PTGDS: variants seen among roughly 807,000 people sequenced by gnomAD.
PTGDS encodes prostaglandin-H2 D-isomerase.
PTGDS carries 21 observed loss-of-function variants against 28.4 expected under a neutral mutation model. The observed-to-expected ratio is 0.74, with a 90% CI of 0.52 to 1.07. The LOEUF (loss-of-function observed/expected upper bound fraction) is 1.07. PTGDS is among the 50% of genes least tolerant of loss of function. PTGDS has a pLI of 0.00. For missense variants in PTGDS, 243 were observed against 247.7 expected, an observed-to-expected ratio of 0.98 and a Z score of 0.13; for synonymous variants, 102 against 106.0, an observed-to-expected ratio of 0.96 and a Z score of 0.23.
At chr9:136,980,904 A>ATTC (rs34537447) in intron 6 of PTGDS, 49 bp downstream of exon 6, 59 of 1,574,346 alleles carry the variant, frequency 3.7e-5, no homozygotes, top group Admixed American at 3.7e-4. Flanking sequence ...TCATTCATTC[A>ATTC]ACACACATCC....
chr9:136,980,668 C>T (rs1564196751), intron 5 of PTGDS, 165 bp from the exon 6 acceptor site: 2 of 1,575,862 alleles, frequency 1.3e-6, no homozygotes, highest in Non-Finnish European at 1.7e-6. Context: ...AAGACCCTCT[C>T]TTTGTTTCCA....
At chr9:136,981,299 G>A (rs34216979) in intron 6 of PTGDS, among the ~76,000 whole-genome samples, 5 of 152,084 alleles carry the variant, frequency 3.3e-5, no homozygotes, top group Middle Eastern at 3.2e-3. Flanking sequence ...GGGACAGCTC[G>A]GAGAGCAGGC....
intron 1 of PTGDS, among the ~76,000 whole-genome samples, chr9:136,978,459 A>G (rs1404037210): frequency 2.1e-5 from 2 of 96,820 alleles, no homozygotes; most frequent in Non-Finnish European, 4.2e-5. Context: ...GGGCGGGGCC[A>G]TCTCCGGGGG....
rs1398750180 is a variant in PTGDS at position 136,979,015 on chromosome 9, C to T, written c.137C>T (p.Ala46Val). 3 of 1,608,458 alleles carry T rather than the reference C, an allele frequency of 1.9e-6. No homozygotes were observed. The highest frequency in any genetic ancestry group is 1.3e-5 in the African/African-American group (1 of 74,918). ...QDKFLGRWFSAGLASNSSWLR... is the reference protein window; with the variant it reads ...QDKFLGRWFSVGLASNSSWLR... ...CAGTTCCTGGGGCGCTGGTTCAGCG[C>T]GGGCCTCGCCTCCAACTCGAGCTGG... Residue 46 changes from alanine (A) to valine (V), a missense_variant, in exon 2 of 7, where the codon GCG (alanine) becomes GTG (valine). Transcript: ENST00000371625.
intron 6 of PTGDS, 121 bp downstream of exon 6, chr9:136,980,976 A>T (rs1373668329): frequency 7.3e-7 from 1 of 1,369,222 alleles, no homozygotes; most frequent in African/African-American, 1.5e-5. Flanking sequence ...CTGCAGACCC[A>T]TCCTTCCCGA....
chr9:136,980,754 G>T (rs374552636), intron 5 of PTGDS, 79 bp from the exon 6 acceptor site: 2 of 1,613,828 alleles, frequency 1.2e-6, no homozygotes, highest in African/African-American at 1.3e-5. Flanking sequence ...TCTGCGTTAC[G>T]GGAGGAACAG....
In PTGDS at chr9:136,980,026, G is replaced by A; in HGVS notation, c.412G>A (p.Gly138Ser). ...GCTGCTGTACAGCCAGGGCAGCAAG[G>A]GCCCTGGCGAGGACTTCCGCATGGC... Reference protein sequence around the residue: ...YALLYSQGSKGPGEDFRMATL... With the variant: ...YALLYSQGSKSPGEDFRMATL... The change falls in exon 4 of 7, where the codon GGC (glycine) becomes AGC (serine). Residue 138 changes from glycine to serine, a missense_variant. Physicochemically the swap from Gly to Ser is moderately conservative, Grantham distance 56. Transcript: ENST00000371625. 4 of 1,612,854 alleles carry A rather than the reference G, an allele frequency of 2.5e-6. No individual in the cohort carries two copies. The highest frequency in any genetic ancestry group is 3.4e-6 in the Non-Finnish European group (4 of 1,179,838).
intron 3 of PTGDS, 114 bp downstream of exon 3, chr9:136,979,413 C>A: frequency 6.4e-7 from 1 of 1,564,938 alleles, no homozygotes; most frequent in South Asian, 1.2e-5. Flanking sequence ...TGATGGCTGC[C>A]CCACCAGCGT....
chr9:136,980,725 G>A, intron 5 of PTGDS, 108 bp from the exon 6 acceptor site: 2 of 1,612,528 alleles, frequency 1.2e-6, no homozygotes, highest in Non-Finnish European at 1.7e-6. Context: ...TGCAGTTTGG[G>A]GGCTCAGTCA....
At position 136,979,214 on chromosome 9, in the gene PTGDS, C is replaced by A. The variant is rs1830419692; in HGVS notation, c.255-9C>A. 3 of 1,613,096 alleles carry A rather than the reference C, an allele frequency of 1.9e-6. No homozygotes were observed. The highest frequency in any genetic ancestry group is 4.5e-5 in the East Asian group (2 of 44,880). On this transcript the variant is annotated splice_polypyrimidine_tract_variant and intron_variant, in intron 2 of 6. Coordinates refer to ENST00000371625, the MANE Select transcript of PTGDS (RefSeq NM_000954.6). ...CCTAACCCCTGACCCTGAGGTCACC[C>A]ACCTACAGGAAAAACCAGTGTGAGA...
At chr9:136,980,721 T>A (rs981726102) in intron 5 of PTGDS, 112 bp from the exon 6 acceptor site, 1 of 1,612,222 alleles carries the variant, frequency 6.2e-7, no homozygotes, top group Admixed American at 1.7e-5. Flanking sequence ...TCTGTGCAGT[T>A]TGGGGGCTCA....
intron 1 of PTGDS, chr9:136,978,706 G>A: frequency 2.9e-6 from 1 of 345,640 alleles, no homozygotes; most frequent in Non-Finnish European, 5.4e-6. Flanking sequence ...CAGCTCCTGG[G>A]GCGGGGATGT....
chr9:136,978,745 G>T (rs1830411229), intron 1 of PTGDS: 1 of 445,626 alleles, frequency 2.2e-6, no homozygotes, highest in African/African-American at 2.4e-5. Flanking sequence ...CTGGGGCGGG[G>T]ATGTGAGGGG....
intron 1 of PTGDS, among the ~76,000 whole-genome samples, chr9:136,978,251 C>T (rs1357329678): frequency 1.3e-5 from 2 of 152,194 alleles, no homozygotes; most frequent in African/African-American, 2.4e-5. Context: ...CGATCCCCGC[C>T]AGGAATGCGA....
In PTGDS at chr9:136,977,531, C is replaced by G. The variant is rs563147216; in HGVS notation, c.-48C>G. 13 of 1,420,372 alleles carry G rather than the reference C, an allele frequency of 9.2e-6. No homozygotes were observed. The South Asian group carries it at 1.6e-4, about 18-fold the overall frequency. The allele number at this position is 1,420,372 out of a possible 1,614,324, so 88.0% of individuals were successfully genotyped here. ...TCCTCCTGCACACCTCCCTCGCTCT[C>G]CCACACCACTGGCACCAGGCCCCGG... is the stretch of plus-strand genomic sequence containing the variant. On this transcript the variant is annotated 5_prime_UTR_variant, in exon 1 of 7. Transcript: ENST00000371625.
At chr9:136,978,877 G>T (rs1239735415) in intron 1 of PTGDS, 116 bp from the exon 2 acceptor site, 30 of 1,446,656 alleles carry the variant, frequency 2.1e-5, no homozygotes, top group Non-Finnish European at 2.7e-5. Flanking sequence ...GGGATTGGGC[G>T]TGGGGGCGGG....
chr9:136,978,893 G>A, intron 1 of PTGDS, 100 bp from the exon 2 acceptor site: 2 of 1,522,774 alleles, frequency 1.3e-6, no homozygotes, highest in Non-Finnish European at 1.8e-6. Flanking sequence ...GCGGGGCCGG[G>A]TTGGAGACCG....
At chr9:136,979,565 C>A in intron 3 of PTGDS, 1 of 1,074,994 alleles carries the variant, frequency 9.3e-7, no homozygotes, top group Non-Finnish European at 1.3e-6. Context: ...GAGTTTTCCC[C>A]ACATAAGCAG....
At chr9:136,980,417 G>T in intron 5 of PTGDS, 133 bp downstream of exon 5, 1 of 1,048,086 alleles carries the variant, frequency 9.5e-7, no homozygotes. Flanking sequence ...GACAGAGGGG[G>T]TGAGTGTTCA....
Sources: gnomAD v4.1 joint callset for allele counts (sites outside exome capture counted in the v4.1 genomes callset) on GRCh38, gnomAD v4.1.1 for gene constraint, MANE v1.5 for transcripts, NCBI Gene and HGNC (gene_info 2026-07-23, HGNC 2026-07-21) for gene names.